Variants in NCOR2 observed in about 807,000 individuals in gnomAD.
The protein encoded by NCOR2 is CTG repeat protein 26.
Under a neutral mutation model 262.9 loss-of-function variants are expected in NCOR2, and 81 were observed. That is an observed-to-expected ratio of 0.31 (90% CI 0.26 to 0.37). The LOEUF is 0.37. Ranked by LOEUF, NCOR2 falls within the 10% of genes least tolerant of loss-of-function variation. NCOR2 has a pLI of 1.00. For missense variants in NCOR2, 3,385 were observed against 3,621.4 expected (o/e 0.93, Z 1.68); for synonymous variants, 1,659 against 1,559.3 (o/e 1.06, Z -1.51).
At chr12:124,327,539 A>G (rs1375310077) in exon 45 of NCOR2, 1 of 1,613,882 alleles carries the variant, frequency 6.2e-7, no homozygotes, top group Non-Finnish European at 8.5e-7. Flanking sequence ...CCCACTGGTC[A>G]TATTTACCCA....
At chr12:124,334,923 C>T (rs1270407970) in intron 40 of NCOR2, 35 of 695,080 alleles carry the variant, frequency 5.0e-5, no homozygotes, top group Non-Finnish European at 8.3e-5. Flanking sequence ...GCATCACAGG[C>T]TCCTCCCATG....
At position 124,455,669 on chromosome 12, in the gene NCOR2, C is replaced by T. The variant is rs79484826; in HGVS notation, c.762+1437G>A. On this transcript the variant is annotated intron_variant, in intron 6 of 46. Transcript: ENST00000405201. Reference sequence around the variant, plus strand: ...AATTGTTCACAACTACTGAGCGCTTCGTAGGGACCAGGAGCTGCACTAGGT... The same window carrying T: ...AATTGTTCACAACTACTGAGCGCTTTGTAGGGACCAGGAGCTGCACTAGGT... Among the ~76,000 whole-genome samples, 730 of 152,354 alleles carry T rather than the reference C, an allele frequency of 4.8e-3. 8 individuals are homozygous for T. The highest frequency in any genetic ancestry group is 0.017 in the African/African-American group (705 of 41,584).
chr12:124,335,003 C>G (rs980610668), intron 40 of NCOR2, 132 bp downstream of exon 42: 8 of 1,383,098 alleles, frequency 5.8e-6, no homozygotes, highest in Non-Finnish European at 8.1e-6. Context: ...CCCTGGATCC[C>G]CCCAGCGCCA....
rs2044964716 is a variant in NCOR2 at position 124,443,578 on chromosome 12, CT to C, written c.816-5583del. ...AGTGCAGTGGCGCAATCTCGGCTCACTGCAACCTCTGCCTCCCGGGTTCAAG... is the reference window on the plus strand; with the variant it reads ...AGTGCAGTGGCGCAATCTCGGCTCACGCAACCTCTGCCTCCCGGGTTCAAG... On this transcript the variant is annotated intron_variant, in intron 7 of 46. Transcript: ENST00000405201. This position sits in a 1 kb window ranked among gnomAD's most constrained non-coding sequence, Gnocchi z 4.4. Among the ~76,000 whole-genome samples, 1 of 152,164 alleles carries C rather than the reference CT, an allele frequency of 6.6e-6. No individual in the cohort carries two copies. Among genetic ancestry groups the C allele is most frequent in the African/African-American group, 2.4e-5 (1 of 41,428 alleles).
intron 20 of NCOR2, among the ~76,000 whole-genome samples, chr12:124,369,784 T>C (rs2039340166): frequency 6.6e-6 from 1 of 151,616 alleles, no homozygotes; most frequent in South Asian, 2.1e-4. Context: ...GGGCAAGGGG[T>C]GGACGTACGC....
In NCOR2 at chr12:124,337,159, G is replaced by A. The variant is rs3741512; in HGVS notation, c.5709C>T (p.Pro1903=). ...GTGGGAATGTGGCAGCCGGGCGAACGGGTGAGGAGGTGGAGGTGGACCTGG... is the reference window on the plus strand; with the variant it reads ...GTGGGAATGTGGCAGCCGGGCGAACAGGTGAGGAGGTGGAGGTGGACCTGG... The change falls in exon 38 of 47, where the codon CCC becomes CCT. Residue 1903 remains proline, a synonymous_variant. Transcript: ENST00000405201. The A allele has an allele frequency of 4.4e-3, 6,677 of 1,530,236 alleles. 226 individuals are homozygous for A. In the African/African-American group the frequency reaches 0.075, roughly 17 times the overall value. 94.8% of individuals were successfully genotyped at this position (1,530,236 alleles called of 1,614,324 possible). A position where few individuals can be genotyped will look rare whatever the true frequency, so the allele number is the denominator to read the frequency against.
intron 1 of NCOR2, among the ~76,000 whole-genome samples, chr12:124,502,442 G>A (rs1484472427): frequency 6.6e-6 from 1 of 152,160 alleles, no homozygotes; most frequent in Non-Finnish European, 1.5e-5. Flanking sequence ...GCGGCAGGCA[G>A]GGAATGGGGG....
chr12:124,451,204 G>C (rs970299375), intron 6 of NCOR2, among the ~76,000 whole-genome samples: 2 of 152,252 alleles, frequency 1.3e-5, no homozygotes, highest in African/African-American at 4.8e-5. Context: ...AACCCAGCCT[G>C]GGCTGATCTA....
chr12:124,510,317 G>A (rs1202050280), intron 1 of NCOR2, among the ~76,000 whole-genome samples: 1 of 152,208 alleles, frequency 6.6e-6, no homozygotes, highest in Non-Finnish European at 1.5e-5. Context: ...GCACAGGGAG[G>A]AGCAGGGCAG....
Position 124,335,642 on chromosome 12 carries a change from G to A in NCOR2, c.6116-10C>T, listed in dbSNP as rs2035806726. On this transcript the variant is annotated splice_polypyrimidine_tract_variant and intron_variant, in intron 38 of 46. Transcript: ENST00000405201. ...CTGCTGCCGTGGTAACCTAGGGCAG[G>A]CGGGGGGTGCAGAGTCAGGCACCGG... 1 of 1,592,064 alleles carries A rather than the reference G, an allele frequency of 6.3e-7. No homozygotes were observed. Among genetic ancestry groups the A allele is most frequent in the Admixed American group, 1.7e-5 (1 of 59,664 alleles).
At chr12:124,325,735 T>C in intron 46 of NCOR2, 152 bp from the exon 49 acceptor site, 1 of 479,214 alleles carries the variant, frequency 2.1e-6, no homozygotes. Flanking sequence ...CTCAGAACCG[T>C]CTGCCTCTCT....
intron 7 of NCOR2, among the ~76,000 whole-genome samples, chr12:124,445,821 A>C (rs1225971802): frequency 6.6e-6 from 1 of 152,244 alleles, no homozygotes; most frequent in Non-Finnish European, 1.5e-5. Flanking sequence ...TATTTGTCGA[A>C]TGAATGAGTC....
intron 37 of NCOR2, among the ~76,000 whole-genome samples, chr12:124,339,277 C>T (rs2036194595): frequency 7.0e-6 from 1 of 142,564 alleles, no homozygotes; most frequent in Non-Finnish European, 1.5e-5. Context: ...CACCCACCTA[C>T]CTACCTAACC....
chr12:124,353,871 C>G (rs4765554), intron 27 of NCOR2, among the ~76,000 whole-genome samples: 48,934 of 152,138 alleles, frequency 0.32, 8,231 homozygotes, highest in East Asian at 0.46. Context: ...TGTTTCCTTC[C>G]ACTACATGGC....
At chr12:124,534,084 C>T (rs1224972011) in intron 1 of NCOR2, among the ~76,000 whole-genome samples, 3 of 152,062 alleles carry the variant, frequency 2.0e-5, no homozygotes, top group Non-Finnish European at 4.4e-5. Context: ...ACCTGTACGG[C>T]GTGTGGCTGG....
Position 124,523,596 on chromosome 12 carries a change from G to A in NCOR2, c.-118+11969C>T, listed in dbSNP as rs917149275. On this transcript the variant is annotated intron_variant, in intron 1 of 46. Transcript: ENST00000404621. The surrounding 1 kb of genome is among the most constrained non-coding windows in gnomAD (Gnocchi z 4.0). ...TGGGCCACACTAAAAGAACTGTCTC[G>A]GATCACACATAACACTAACACTAAC... Among the ~76,000 whole-genome samples, 12 of 148,528 alleles carry A rather than the reference G, an allele frequency of 8.1e-5. No individual in the cohort carries two copies. Among genetic ancestry groups the A allele is most frequent in the African/African-American group, 1.7e-4 (7 of 40,018 alleles).
intron 6 of NCOR2, among the ~76,000 whole-genome samples, chr12:124,456,586 G>C (rs1009570474): frequency 2.0e-5 from 3 of 152,192 alleles, no homozygotes; most frequent in Admixed American, 2.0e-4. Context: ...CCCGATGTTG[G>C]AAAAATATTA....
At position 124,333,113 on chromosome 12, in the gene NCOR2, T is replaced by C. The variant is rs1389521438; in HGVS notation, c.6755+17A>G. The C allele has an allele frequency of 3.1e-6, 5 of 1,589,610 alleles. No individual in the cohort carries two copies. Among genetic ancestry groups the C allele is most frequent in the Non-Finnish European group, 4.3e-6 (5 of 1,165,860 alleles). On this transcript the variant is annotated intron_variant, in intron 42 of 46. Coordinates refer to ENST00000405201, the Ensembl canonical transcript of NCOR2. ...ACCAGAGCATCCCGGGGGCAGCGCA[T>C]GTGCCCACAGAAGTACCTGGGCTCC...
upstream of NCOR2, among the ~76,000 whole-genome samples, chr12:124,536,251 A>AT (rs1422485377): frequency 2.6e-5 from 4 of 151,930 alleles, no homozygotes; most frequent in East Asian, 7.7e-4. Flanking sequence ...TAATTTTTGT[A>AT]TTTTTTTGTA....
Sources: gnomAD v4.1 joint callset for allele counts (sites outside exome capture counted in the v4.1 genomes callset) on GRCh38, gnomAD v4.1.1 for gene constraint, Gnocchi (gnomAD v3.1) non-coding constraint, MANE v1.5 for transcripts, NCBI Gene and HGNC (gene_info 2026-07-23, HGNC 2026-07-21) for gene names.